The following EFNB2 variants were observed in gnomAD, a reference collection of about 807,000 sequenced individuals.
EFNB2 encodes ephrin B2.
A neutral mutation model predicts 32.1 loss-of-function variants in EFNB2; 5 were observed. The ratio of observed to expected loss-of-function variants is 0.16; its 90% CI spans 0.08 to 0.33. EFNB2 has a LOEUF of 0.33. Among genes scored for constraint, EFNB2 ranks in the 10% least tolerant of loss-of-function variants. The pLI, the probability that EFNB2 is intolerant of heterozygous loss-of-function variation, is 1.00. For missense variants in EFNB2, 263 were observed against 422.6 expected (o/e 0.62, Z 3.31); for synonymous variants, 168 against 166.5 (o/e 1.01, Z -0.07).
intron 1 of EFNB2, 84 bp downstream of exon 1, chr13:106,534,759 C>G: frequency 6.8e-7 from 1 of 1,462,428 alleles, no homozygotes; most frequent in Non-Finnish European, 9.1e-7. Context: ...GGCTCCGAGG[C>G]CCCGCGGACT....
chr13:106,520,540 C>A (rs1356182800), intron 1 of EFNB2: 2 of 152,222 alleles, frequency 1.3e-5, no homozygotes, highest in African/African-American at 4.8e-5. Flanking sequence ...AATACGAATA[C>A]TCCCAAAGAA....
Position 106,491,127 on chromosome 13 carries a change from C to G in EFNB2, c.*1913G>C, listed in dbSNP as rs1878388786. 6.6e-6 allele frequency: 1 copy of G among 152,610 alleles called. No individual in the cohort carries two copies. Among genetic ancestry groups the G allele is most frequent in the Non-Finnish European group, 1.5e-5 (1 of 68,042 alleles). The allele number at this position is 152,610 out of a possible 1,614,324, so 9.5% of individuals were successfully genotyped here. ...CACAGCTAAATCGTCACCTGAAGCCCCCAGTGTGACCTGCTGGATTCTAGA... is the reference window on the plus strand; with the variant it reads ...CACAGCTAAATCGTCACCTGAAGCCGCCAGTGTGACCTGCTGGATTCTAGA... On this transcript the variant is annotated 3_prime_UTR_variant, in exon 5 of 5. Transcript: ENST00000646441.
rs140386579 is a variant in EFNB2 at position 106,498,344 on chromosome 13, C to T, written c.407-2504G>A. 4.5e-3 allele frequency among the ~76,000 whole-genome samples: 682 copies of T among 152,270 alleles called. 6 individuals carry two copies. Among genetic ancestry groups the T allele is most frequent in the African/African-American group, 0.015 (636 of 41,550 alleles). On this transcript the variant is annotated intron_variant, in intron 2 of 4. Transcript: ENST00000646441. The stretch of plus-strand genomic sequence containing the variant: ...TACTTGTAAATAGAATTGAGAACTG[C>T]GTCTGCAGAGGGAGAAACTGCTGAT...
At chr13:106,503,171 C>T (rs1878840874) in intron 2 of EFNB2, among the ~76,000 whole-genome samples, 1 of 151,938 alleles carries the variant, frequency 6.6e-6, no homozygotes, top group Admixed American at 6.6e-5. Flanking sequence ...AAAAACATCA[C>T]TTTCTAAGTC....
intron 1 of EFNB2, among the ~76,000 whole-genome samples, chr13:106,528,990 G>A (rs1289500135): frequency 6.6e-6 from 1 of 152,060 alleles, no homozygotes; most frequent in African/African-American, 2.4e-5. Context: ...ACTGCTTTTG[G>A]CATATTGGAT....
intron 3 of EFNB2, 92 bp downstream of exon 3, chr13:106,495,656 G>A (rs530621185): frequency 2.2e-5 from 27 of 1,208,740 alleles, no homozygotes; most frequent in Non-Finnish European, 3.0e-5. Context: ...AAAGAAGAGC[G>A]AATGAAGGTG....
At chr13:106,534,726 G>C (rs1165255539) in intron 1 of EFNB2, 117 bp downstream of exon 1, 1 of 1,217,328 alleles carries the variant, frequency 8.2e-7, no homozygotes. Context: ...GGTGGGGGAC[G>C]GGGAACCGAG....
chr13:106,534,942 A>G lies in EFNB2; in HGVS notation c.23T>C (p.Val8Ala). 5 of 1,613,350 alleles carry G rather than the reference A, an allele frequency of 3.1e-6. No homozygotes were observed. The South Asian group carries it at 5.5e-5, about 18-fold the overall frequency. The change falls in exon 1 of 5, where the codon GTG becomes GCG. Residue 8 changes from valine to alanine, a missense_variant. By Grantham distance (64) the Val-to-Ala change is moderately conservative. This residue lies in a region of EFNB2 where 46 missense variants were observed against 56.9 expected (regional missense o/e 0.81). Coordinates refer to ENST00000646441, the MANE Select transcript of EFNB2 (RefSeq NM_004093.4). ...CAAAACACCCCAGCAGTACTTCCAC[A>G]CGGAGTCCCTTCTCACAGCCATGGC... MAVRRDS[V>A]WKYCWGVLMV...
At chr13:106,519,203 T>C (rs1330816293) in intron 1 of EFNB2, 1 of 152,334 alleles carries the variant, frequency 6.6e-6, no homozygotes, top group East Asian at 1.9e-4. Flanking sequence ...ACGATGACAG[T>C]GCTTGGAAAT....
At chr13:106,532,546 C>A (rs1272344765) in intron 1 of EFNB2, among the ~76,000 whole-genome samples, 1 of 152,192 alleles carries the variant, frequency 6.6e-6, no homozygotes, top group Non-Finnish European at 1.5e-5. Flanking sequence ...TATGCATTCT[C>A]AAAAACTTAG....
intron 2 of EFNB2, among the ~76,000 whole-genome samples, chr13:106,511,471 A>C (rs1239958972): frequency 6.6e-6 from 1 of 152,118 alleles, no homozygotes; most frequent in Non-Finnish European, 1.5e-5. Flanking sequence ...ACAAAGCTAG[A>C]CCCTGTCTCT....
chr13:106,512,394 G>C, intron 2 of EFNB2, 135 bp downstream of exon 2: 1 of 554,164 alleles, frequency 1.8e-6, no homozygotes, highest in Admixed American at 4.2e-5. Flanking sequence ...AAAAAAAAAG[G>C]GGGGGGGGAC....
intron 1 of EFNB2, chr13:106,521,099 T>C (rs1879503686): frequency 6.6e-6 from 1 of 152,174 alleles, no homozygotes; most frequent in Non-Finnish European, 1.5e-5. Context: ...TCTTTCACAC[T>C]TTCCTAAAAC....
At chr13:106,512,490 C>A in intron 2 of EFNB2, 39 bp downstream of exon 2, 3 of 1,327,330 alleles carry the variant, frequency 2.3e-6, no homozygotes, top group Non-Finnish European at 3.0e-6. Flanking sequence ...TATAGCTTAT[C>A]TTAATTTCTA....
chr13:106,515,634 C>A (rs1879287241), intron 1 of EFNB2, among the ~76,000 whole-genome samples: 1 of 152,118 alleles, frequency 6.6e-6, no homozygotes. Flanking sequence ...GGCCCCAATC[C>A]TTGAGTGGTT....
At position 106,493,212 on chromosome 13, in the gene EFNB2, C is replaced by T. The variant is rs374559924; in HGVS notation, c.830G>A (p.Arg277His). The change falls in exon 5 of 5, where the codon CGC becomes CAC. Residue 277 changes from arginine (R) to histidine (H), a missense_variant. Physicochemically the swap from Arg to His is conservative, Grantham distance 29. Transcript: ENST00000646441. The surrounding 1 kb of genome is among the most constrained non-coding windows in gnomAD (Gnocchi z 6.1). ...CTCTGAGCCGTTGTTGTTGCCGCTG[C>T]GCTTGGGTGTGGCCAGTGTGCTGAG... is the stretch of plus-strand genomic sequence containing the variant. ...LSLSTLATPK[R>H]SGNNNGSEPS... 91 of 1,614,052 alleles carry T rather than the reference C, an allele frequency of 5.6e-5. No individual in the cohort carries two copies. The highest frequency in any genetic ancestry group is 7.0e-5 in the Non-Finnish European group (83 of 1,180,048).
chr13:106,519,774 A>C (rs1379642985), intron 1 of EFNB2: 1 of 152,226 alleles, frequency 6.6e-6, no homozygotes, highest in Non-Finnish European at 1.5e-5. Context: ...TTTTCTTTGC[A>C]ATAAATAGTC....
chr13:106,510,737 G>A (rs1203337214), intron 2 of EFNB2, among the ~76,000 whole-genome samples: 1 of 151,106 alleles, frequency 6.6e-6, no homozygotes, highest in African/African-American at 2.5e-5. Flanking sequence ...ACTAAGGCCA[G>A]GCGCGGTGGC....
intron 1 of EFNB2, among the ~76,000 whole-genome samples, chr13:106,515,786 A>G (rs1566460104): frequency 6.6e-6 from 1 of 152,306 alleles, no homozygotes; most frequent in African/African-American, 2.4e-5. Flanking sequence ...TGTTTTCACT[A>G]CGTGTAGTCT....
Sources: allele counts gnomAD v4.1 joint callset (sites outside exome capture counted in the v4.1 genomes callset), GRCh38; gene constraint gnomAD v4.1.1; regional missense constraint gnomAD v4.1.1; non-coding constraint Gnocchi (gnomAD v3.1); transcripts MANE v1.5; gene names NCBI Gene and HGNC (gene_info 2026-07-23, HGNC 2026-07-21).